Variants in RARB observed in about 807,000 individuals in gnomAD.
The protein encoded by RARB is HBV-activated protein.
RARB carries 17 observed loss-of-function variants against 51.9 expected under a neutral mutation model. The observed-to-expected ratio is 0.33, with a 90% confidence interval of 0.22 to 0.49. The LOEUF is 0.49. RARB is among the 20% of genes least tolerant of loss of function. The probability of loss-of-function intolerance (pLI) is 0.99; values close to 1 mark genes in which losing one functional copy is unlikely to be tolerated. For synonymous variants in RARB, 215 were observed against 195.4 expected (o/e 1.10, Z -0.84); for missense variants, 369 against 550.8 (o/e 0.67, Z 3.30).
chr3:25,073,021 C>G (rs932788758), intron 3 of RARB, among the ~76,000 whole-genome samples: 3 of 152,022 alleles, frequency 2.0e-5, no homozygotes, highest in African/African-American at 7.2e-5. Context: ...TTACACTGAC[C>G]TTTTTTTCCT....
chr3:25,240,882 C>A (rs1252357915), intron 5 of RARB, among the ~76,000 whole-genome samples: 2 of 152,104 alleles, frequency 1.3e-5, no homozygotes, highest in African/African-American at 2.4e-5. Context: ...CTCTCCTCAA[C>A]TTTTTAGAAT....
At chr3:24,940,095 T>G (rs1418511290) in intron 2 of RARB, among the ~76,000 whole-genome samples, 1 of 152,214 alleles carries the variant, frequency 6.6e-6, no homozygotes, top group Non-Finnish European at 1.5e-5. Context: ...CCTTCACTAT[T>G]TATTTCAGTA....
intron 2 of RARB, among the ~76,000 whole-genome samples, chr3:24,932,213 C>T (rs1427199464): frequency 6.6e-6 from 1 of 152,026 alleles, no homozygotes; most frequent in Non-Finnish European, 1.5e-5. Flanking sequence ...TGTCCTTGAT[C>T]TATAGGGCAA....
chr3:25,516,794 T>G (rs1698186701), intron 3 of RARB, among the ~76,000 whole-genome samples: 1 of 152,104 alleles, frequency 6.6e-6, no homozygotes, highest in South Asian at 2.1e-4. Context: ...ACCCAACTAA[T>G]TTTTGTATTT....
intron 3 of RARB, among the ~76,000 whole-genome samples, chr3:25,113,805 CAGG>C (rs1315606369): frequency 6.6e-6 from 1 of 152,066 alleles, no homozygotes; most frequent in Non-Finnish European, 1.5e-5. Flanking sequence ...ACCACCAAGA[CAGG>C]AGGAAAGGAC....
chr3:25,453,148 G>A (rs1709267660), intron 1 of RARB, among the ~76,000 whole-genome samples: 1 of 151,872 alleles, frequency 6.6e-6, no homozygotes, highest in African/African-American at 2.4e-5. Flanking sequence ...TTTATGTTAG[G>A]GTGTCTCAGA....
intron 5 of RARB, among the ~76,000 whole-genome samples, chr3:25,260,780 C>T (rs542162699): frequency 9.2e-5 from 14 of 152,280 alleles, no homozygotes; most frequent in African/African-American, 2.6e-4. Flanking sequence ...CAGCCTGTCA[C>T]TGGGGCTGGG....
chr3:24,908,016 A>C (rs889947057), intron 2 of RARB, among the ~76,000 whole-genome samples: 7 of 152,098 alleles, frequency 4.6e-5, no homozygotes, highest in Non-Finnish European at 1.0e-4. Context: ...GGGTTTTGTT[A>C]TCTTTATCAA....
intron 2 of RARB, among the ~76,000 whole-genome samples, chr3:24,971,286 G>A (rs975107642): frequency 6.6e-6 from 1 of 151,938 alleles, no homozygotes; most frequent in Non-Finnish European, 1.5e-5. Context: ...TAGGAGGTTA[G>A]TCATTTAATC....
chr3:25,496,013 G>C (rs1215876189), intron 2 of RARB, among the ~76,000 whole-genome samples: 1 of 152,190 alleles, frequency 6.6e-6, no homozygotes, highest in Non-Finnish European at 1.5e-5. Context: ...AGATCAGTGT[G>C]TCTGCTACTA....
intron 2 of RARB, among the ~76,000 whole-genome samples, chr3:25,482,566 GTCTC>G (rs1278358372): frequency 7.4e-5 from 7 of 95,134 alleles, no homozygotes; most frequent in African/African-American, 3.7e-4. Flanking sequence ...TTGAGACGGA[GTCTC>G]TCTCTGTCTC....
At chr3:25,336,258 C>T (rs375824095) in intron 5 of RARB, among the ~76,000 whole-genome samples, 23 of 152,168 alleles carry the variant, frequency 1.5e-4, no homozygotes, top group African/African-American at 5.3e-4. Context: ...TTTCTTACAC[C>T]TTTTCTTTTA....
intron 4 of RARB, among the ~76,000 whole-genome samples, chr3:25,576,778 C>T (rs185391753): frequency 0.01 from 1,535 of 151,906 alleles, 22 homozygotes; most frequent in African/African-American, 0.034. Context: ...CCTGTCTACC[C>T]AGAGCTACAG....
rs149467097 is a variant in RARB at position 24,896,420 on chromosome 3, C to T, written c.-380+37668C>T. On this transcript the variant is annotated intron_variant, in intron 2 of 11. Coordinates refer to the RARB transcript ENST00000383772. ...GATTACAGGGGCGCACCACCACGTC[C>T]GGCTAATTTTTTGTATTTTTAGTAG... Among the ~76,000 whole-genome samples, 29 of 152,080 alleles carry T rather than the reference C, an allele frequency of 1.9e-4. 1 individual carries two copies. The highest frequency in any genetic ancestry group is 8.3e-4 in the South Asian group (4 of 4,818).
intron 3 of RARB, among the ~76,000 whole-genome samples, chr3:25,504,861 G>C (rs771427586): frequency 6.7e-6 from 1 of 148,308 alleles, no homozygotes; most frequent in African/African-American, 2.5e-5. Flanking sequence ...GGGTTCAAGC[G>C]ATACTCCTGC....
chr3:25,451,189 G>A (rs1211908287), intron 1 of RARB, among the ~76,000 whole-genome samples: 16 of 152,204 alleles, frequency 1.1e-4, no homozygotes, highest in Admixed American at 1.0e-3. Flanking sequence ...GGTGAAGGTT[G>A]GCTATCATTT....
chr3:25,381,466 T>C, intron 5 of RARB, among the ~76,000 whole-genome samples: 1 of 152,226 alleles, frequency 6.6e-6, no homozygotes, highest in Non-Finnish European at 1.5e-5. Flanking sequence ...GATAATATAA[T>C]ATAACCTTTA....
intron 5 of RARB, among the ~76,000 whole-genome samples, chr3:25,176,745 G>C (rs1250371709): frequency 1.3e-5 from 2 of 152,018 alleles, no homozygotes; most frequent in Non-Finnish European, 2.9e-5. Context: ...ATGGAAAAAT[G>C]GTTGAGATAT....
intron 5 of RARB, among the ~76,000 whole-genome samples, chr3:25,300,336 G>C (rs991781150): frequency 1.3e-5 from 2 of 152,230 alleles, no homozygotes; most frequent in African/African-American, 2.4e-5. Flanking sequence ...GGAGGAAGGA[G>C]AGTATGTGCT....
Sources: gnomAD v4.1 joint callset for allele counts (sites outside exome capture counted in the v4.1 genomes callset) on GRCh38, gnomAD v4.1.1 for gene constraint, MANE v1.5 for transcripts, NCBI Gene and HGNC (gene_info 2026-07-23, HGNC 2026-07-21) for gene names.